Variants in FRMPD4 observed in about 807,000 individuals in gnomAD.
The protein encoded by FRMPD4 is FERM and PDZ domain-containing protein 4.
In FRMPD4, 22 loss-of-function variants were observed where a neutral mutation model predicts 94.1. That is an observed-to-expected ratio of 0.23 (90% CI 0.17 to 0.33). The LOEUF (loss-of-function observed/expected upper bound fraction) is 0.33. FRMPD4 is among the 10% of genes least tolerant of loss of function. The pLI is 1.00. For missense variants in FRMPD4, 1,111 were observed against 1,339.9 expected, an observed-to-expected ratio of 0.83 and a Z score of 2.67; for synonymous variants, 631 against 548.6, an observed-to-expected ratio of 1.15 and a Z score of -2.10.
chrX:12,526,599 T>C (rs2058226317), intron 2 of FRMPD4, among the ~76,000 whole-genome samples: 1 of 111,717 alleles, frequency 9.0e-6, no homozygotes, highest in African/African-American at 3.3e-5. Flanking sequence ...TTCCCTCCCA[T>C]GCCAACCTTT....
At chrX:12,310,711 A>T (rs1212724808) in intron 1 of FRMPD4, among the ~76,000 whole-genome samples, 2 of 112,382 alleles carry the variant, frequency 1.8e-5, no homozygotes, top group Non-Finnish European at 3.8e-5. Context: ...GAAGCTGATC[A>T]TAATGGGTAA....
At chrX:12,433,937 T>C (rs2148111467) in intron 1 of FRMPD4, among the ~76,000 whole-genome samples, 1 of 111,708 alleles carries the variant, frequency 9.0e-6, no homozygotes, top group South Asian at 3.8e-4. Context: ...GTAGGGGTCT[T>C]CCCGGTCAGT....
chrX:12,599,101 T>C (rs2059059785), intron 2 of FRMPD4, among the ~76,000 whole-genome samples: 1 of 111,100 alleles, frequency 9.0e-6, no homozygotes, highest in Admixed American at 9.6e-5. Context: ...ACATGCGGAC[T>C]GGGAGGACAT....
intron 1 of FRMPD4, among the ~76,000 whole-genome samples, chrX:12,200,594 A>G (rs2056619974): frequency 9.0e-6 from 1 of 111,500 alleles, no homozygotes. Context: ...TTAGTCTCCC[A>G]AAGTGTTGGG....
intron 3 of FRMPD4, among the ~76,000 whole-genome samples, chrX:12,018,918 C>G (rs1365957991): frequency 1.8e-5 from 2 of 111,862 alleles, no homozygotes; most frequent in Non-Finnish European, 3.8e-5. Context: ...TACACAAAGT[C>G]CTTTGGCCAG....
intron 3 of FRMPD4, among the ~76,000 whole-genome samples, chrX:11,988,053 C>G (rs1449833853): frequency 7.3e-5 from 8 of 109,696 alleles, no homozygotes; most frequent in South Asian, 3.9e-4. Context: ...ATCAAAATAT[C>G]AATGACCTTC....
At chrX:12,037,523 T>C (rs908564083) in intron 3 of FRMPD4, among the ~76,000 whole-genome samples, 11 of 112,043 alleles carry the variant, frequency 9.8e-5, no homozygotes, top group Non-Finnish European at 1.9e-4. Context: ...TCTGGCTTGT[T>C]TCACTTAGCA....
intron 3 of FRMPD4, among the ~76,000 whole-genome samples, chrX:12,078,753 C>T (rs917880386): frequency 9.0e-5 from 10 of 111,465 alleles, no homozygotes; most frequent in East Asian, 2.8e-4. Context: ...CACTACCCTG[C>T]GCATTGTAGG....
At chrX:11,991,104 C>A (rs1214157982) in intron 3 of FRMPD4, among the ~76,000 whole-genome samples, 1 of 111,606 alleles carries the variant, frequency 9.0e-6, no homozygotes, top group Non-Finnish European at 1.9e-5. Flanking sequence ...GAGTCTCATT[C>A]CAGTTTGCAA....
intron 1 of FRMPD4, among the ~76,000 whole-genome samples, chrX:12,348,738 C>T (rs1415337676): frequency 8.9e-6 from 1 of 111,736 alleles, no homozygotes; most frequent in African/African-American, 3.3e-5. Context: ...TAGGCTAAGG[C>T]TGGTCTTACT....
At chrX:12,585,458 A>C (rs1015405299) in intron 2 of FRMPD4, among the ~76,000 whole-genome samples, 1 of 111,224 alleles carries the variant, frequency 9.0e-6, no homozygotes, top group African/African-American at 3.3e-5. Flanking sequence ...TGACCTCCTG[A>C]TCCACCTGCC....
intron 2 of FRMPD4, among the ~76,000 whole-genome samples, chrX:12,516,133 GGGT>G (rs2058093493): frequency 9.0e-6 from 1 of 111,699 alleles, no homozygotes; most frequent in Non-Finnish European, 1.9e-5. Flanking sequence ...GCAAGCTGAT[GGGT>G]CTTGACTCTT....
intron 4 of FRMPD4, among the ~76,000 whole-genome samples, chrX:12,635,167 T>C (rs1432033009): frequency 8.9e-6 from 1 of 111,771 alleles, no homozygotes; most frequent in Admixed American, 9.5e-5. Flanking sequence ...AGATATACAG[T>C]ATGTCTTAAA....
At chrX:11,988,021 C>A (rs755308392) in intron 3 of FRMPD4, among the ~76,000 whole-genome samples, 1 of 111,366 alleles carries the variant, frequency 9.0e-6, no homozygotes, top group Non-Finnish European at 1.9e-5. Flanking sequence ...CCAAAGTAAT[C>A]TACAGATTCA....
intron 9 of FRMPD4, among the ~76,000 whole-genome samples, chrX:12,696,586 C>CAAAAAAAAAAAAAAAAAAAAAAAACA (rs57877846): frequency 3.3e-5 from 1 of 30,061 alleles, no homozygotes; most frequent in Non-Finnish European, 6.6e-5. Context: ...AAAAATGAAG[C>CAAAAAAAAAAAAAAAAAAAAAAAACA]AAAAAAAAAA....
At chrX:11,881,573 A>C (rs1401054140) in intron 3 of FRMPD4, among the ~76,000 whole-genome samples, 1 of 112,387 alleles carries the variant, frequency 8.9e-6, no homozygotes, top group Admixed American at 9.4e-5. Context: ...AATTCCATTT[A>C]TAAGACATTT....
intron 1 of FRMPD4, among the ~76,000 whole-genome samples, chrX:12,440,198 A>G (rs1227693605): frequency 8.9e-6 from 1 of 112,325 alleles, no homozygotes; most frequent in African/African-American, 3.2e-5. Context: ...AGTATATCCC[A>G]AATATTGCAT....
intron 3 of FRMPD4, chrX:12,054,866 A>G (rs373363758): frequency 8.9e-6 from 1 of 112,056 alleles, no homozygotes; most frequent in Admixed American, 9.5e-5. Flanking sequence ...GGGAAAGGGT[A>G]GAACAAGGAG....
chrX:11,865,513 G>T (rs2053713155), intron 2 of FRMPD4, among the ~76,000 whole-genome samples: 1 of 111,930 alleles, frequency 8.9e-6, no homozygotes, highest in Non-Finnish European at 1.9e-5. Context: ...CTCATTCTAT[G>T]CTGAGCCTAG....
Sources: allele counts gnomAD v4.1 joint callset (sites outside exome capture counted in the v4.1 genomes callset), GRCh38; gene constraint gnomAD v4.1.1; transcripts MANE v1.5; gene names NCBI Gene and HGNC (gene_info 2026-07-23, HGNC 2026-07-21).